The following DDB1 variants were observed in gnomAD, a reference collection of about 807,000 sequenced individuals.
DDB1 encodes the protein DNA damage-binding protein 1.
In DDB1, 18 loss-of-function variants were observed where a neutral mutation model predicts 133.1. The ratio of observed to expected loss-of-function variants is 0.14; its 90% CI spans 0.09 to 0.20. DDB1 has a LOEUF of 0.20. Ranked by LOEUF, DDB1 falls within the 10% of genes least tolerant of loss-of-function variation. DDB1 has a pLI of 1.00. For synonymous variants in DDB1, 580 were observed against 550.5 expected, an observed-to-expected ratio of 1.05 and a Z score of -0.75; for missense variants, 828 against 1,459.2, an observed-to-expected ratio of 0.57 and a Z score of 7.05.
At chr11:61,306,342 T>A in intron 21 of DDB1, among the ~76,000 whole-genome samples, 1 of 152,054 alleles carries the variant, frequency 6.6e-6, no homozygotes. Flanking sequence ...GGTAGCACAG[T>A]CTCCCAAGCT....
At chr11:61,327,476 T>TGC (rs1455493964) in intron 4 of DDB1, 1 of 155,666 alleles carries the variant, frequency 6.4e-6, no homozygotes, top group East Asian at 1.9e-4. Flanking sequence ...ACAGTGTGTG[T>TGC]GCCTGTGTGT....
intron 25 of DDB1, 102 bp from the exon 26 acceptor site, chr11:61,301,034 G>C: frequency 6.6e-7 from 1 of 1,506,892 alleles, no homozygotes; most frequent in Non-Finnish European, 9.0e-7. Flanking sequence ...ATCAGGATTA[G>C]AAAGGAAATG....
rs994144287 is a variant in DDB1, at chr11:61,322,769, G to C, written c.1005+242C>G. 15 of 552,784 alleles carry C rather than the reference G, an allele frequency of 2.7e-5. No homozygotes were observed. The South Asian group carries it at 3.8e-4, about 14-fold the overall frequency. 34.2% of individuals were successfully genotyped at this position (552,784 alleles called of 1,614,324 possible). ...TAAACTATGACCTATTTGAAGGTAG[G>C]AGCTGGGTCTTGTTCATCAATGTAT... On this transcript the variant is annotated intron_variant, in intron 8 of 26. Transcript: ENST00000301764.
At position 61,303,011 on chromosome 11, in the gene DDB1, C is replaced by T; in HGVS notation, c.2942+35G>A. 3 of 1,584,736 alleles carry T rather than the reference C, an allele frequency of 1.9e-6. No homozygotes were observed. In the South Asian group the frequency reaches 3.3e-5, roughly 18 times the overall value. On this transcript the variant is annotated intron_variant, in intron 23 of 26. Coordinates refer to ENST00000301764, the MANE Select transcript of DDB1 (RefSeq NM_001923.5). Reference sequence around the variant, plus strand: ...CACCAGAGACCAAGGAACTCCCAGCCCTCCCCACCACTCCCAGAGCTGGCC... The same window carrying T: ...CACCAGAGACCAAGGAACTCCCAGCTCTCCCCACCACTCCCAGAGCTGGCC...
intron 15 of DDB1, 49 bp downstream of exon 15, chr11:61,313,813 C>T (rs1856017765): frequency 1.2e-6 from 2 of 1,607,620 alleles, no homozygotes; most frequent in East Asian, 4.5e-5. Context: ...CTGTGTAATT[C>T]TAATACTCTA....
intron 4 of DDB1, chr11:61,327,446 GAAAA>G (rs1019857146): frequency 1.5e-5 from 2 of 133,136 alleles, no homozygotes; most frequent in South Asian, 2.3e-4. Flanking sequence ...CTCCATCTCA[GAAAA>G]AAAAAAAAAA....
At position 61,333,051 on chromosome 11, in the gene DDB1, A is replaced by C; in HGVS notation, c.-83T>G. On this transcript the variant is annotated 5_prime_UTR_variant, in exon 1 of 27. Transcript: ENST00000301764. ...AGCGAAAAGACAGGTGGCCCCCAAC[A>C]GCGCGCAGCGAACTCCACTGCCGCT... 2 of 1,309,230 alleles carry C rather than the reference A, an allele frequency of 1.5e-6. No individual in the cohort carries two copies. The highest frequency in any genetic ancestry group is 3.0e-5 in the East Asian group (1 of 33,784). The allele number at this position is 1,309,230 out of a possible 1,614,324, so 81.1% of individuals were successfully genotyped here. A position where few individuals can be genotyped will look rare whatever the true frequency, so the allele number is the denominator to read the frequency against.
At chr11:61,323,533 C>G (rs760892807) in intron 7 of DDB1, 1 of 236,994 alleles carries the variant, frequency 4.2e-6, no homozygotes, top group South Asian at 6.0e-5. Flanking sequence ...CCACCTCAGC[C>G]TCCCGAGTAG....
At chr11:61,300,761 A>G in intron 26 of DDB1, 48 bp downstream of exon 26, 1 of 1,609,048 alleles carries the variant, frequency 6.2e-7, no homozygotes, top group Non-Finnish European at 8.5e-7. Flanking sequence ...GCATGCCCCA[A>G]CCTGCAGTGG....
rs1590684541 is a variant in DDB1, at chr11:61,310,427, A to G, written c.2278-9T>C. 1 of 1,594,570 alleles carries G rather than the reference A, an allele frequency of 6.3e-7. No individual in the cohort carries two copies. Among genetic ancestry groups the G allele is most frequent in the Non-Finnish European group, 8.5e-7 (1 of 1,171,898 alleles). ...ACACTGCTGGACAGAGCCTGCAAAC[A>G]GAGAGAATGCACATCATCCTTCTCA... On this transcript the variant is annotated splice_polypyrimidine_tract_variant and intron_variant, in intron 18 of 26. Coordinates refer to ENST00000301764, the MANE Select transcript of DDB1 (RefSeq NM_001923.5).
intron 2 of DDB1, among the ~76,000 whole-genome samples, chr11:61,331,208 C>T (rs1406594124): frequency 6.6e-6 from 1 of 152,196 alleles, no homozygotes; most frequent in Non-Finnish European, 1.5e-5. Context: ...TCTCCTTTTA[C>T]TTCTAGAAAG....
Position 61,316,514 on chromosome 11 carries a change from G to A in DDB1, c.1279C>T (p.Leu427Phe), listed in dbSNP as rs28720299. 6.2e-7 allele frequency: 1 copy of A among 1,614,148 alleles called. No homozygotes were observed. Among genetic ancestry groups the A allele is most frequent in the African/African-American group, 1.3e-5 (1 of 75,032 alleles). The change falls in exon 11 of 27, where the codon CTC (leucine) becomes TTC (phenylalanine). Residue 427 changes from leucine to phenylalanine, a missense_variant. Leu to Phe is a conservative substitution (Grantham distance 22, BLOSUM62 0). Transcript: ENST00000301764. ...TACCTTGTCTGGCCCACAAAAGAGA[G>A]CACCAAAGTGTCATCAGTCTCACGA... is the stretch of plus-strand genomic sequence containing the variant. ...PNRETDDTLV[L>F]SFVGQTRVLM... is the part of the protein sequence containing the mutation.
At chr11:61,325,748 G>A (rs750273492) in intron 5 of DDB1, 40 bp from the exon 6 acceptor site, 49 of 1,528,246 alleles carry the variant, frequency 3.2e-5, no homozygotes, top group Non-Finnish European at 3.7e-5. Context: ...TCAGCACTCT[G>A]GGTCTGCCAA....
chr11:61,304,893 G>GA (rs906043286), intron 21 of DDB1, among the ~76,000 whole-genome samples: 5 of 147,786 alleles, frequency 3.4e-5, no homozygotes, highest in Non-Finnish European at 7.5e-5. Flanking sequence ...AAAAAAAAAG[G>GA]AAAAAAAAAG....
At chr11:61,325,568 G>T (rs186776943) in intron 6 of DDB1, 43 bp downstream of exon 6, 1 of 1,540,108 alleles carries the variant, frequency 6.5e-7, no homozygotes, top group African/African-American at 1.4e-5. Context: ...GTGAGGACAA[G>T]GAAAGAAAAG....
At position 61,310,413 on chromosome 11, in the gene DDB1, C is replaced by G; in HGVS notation, c.2283G>C (p.Leu761=). The change falls in exon 19 of 27, where the codon CTG becomes CTC. Residue 761 remains leucine, a synonymous_variant. Coordinates refer to ENST00000301764, the MANE Select transcript of DDB1 (RefSeq NM_001923.5). ...GCTTGCTGGAGCTTACACTGCTGGA[C>G]AGAGCCTGCAAACAGAGAGAATGCA... The part of the protein sequence containing the change: ...ALRPSASTQA[L]SSSVSSSKLF... 1 of 1,600,428 alleles carries G rather than the reference C, an allele frequency of 6.2e-7. No individual in the cohort carries two copies. The highest frequency in any genetic ancestry group is 8.5e-7 in the Non-Finnish European group (1 of 1,175,112).
chr11:61,312,047 T>A lies in DDB1; in HGVS notation c.2107A>T (p.Thr703Ser). 6.2e-7 allele frequency: 1 copy of A among 1,614,156 alleles called. No homozygotes were observed. Among genetic ancestry groups the A allele is most frequent in the Non-Finnish European group, 8.5e-7 (1 of 1,180,030 alleles). ...TGCAGCTTCTGGATCTCATCGATGGTGCCAATGGTGAGGGTGCTATTGTTG... is the reference window on the plus strand; with the variant it reads ...TGCAGCTTCTGGATCTCATCGATGGAGCCAATGGTGAGGGTGCTATTGTTG... ...LANNSTLTIG[T>S]IDEIQKLHIR... The change falls in exon 17 of 27, where the codon ACC becomes TCC. Residue 703 changes from threonine to serine, a missense_variant. Transcript: ENST00000301764.
chr11:61,330,689 AGTCTCGCTCT>A (rs1856352920), intron 2 of DDB1, among the ~76,000 whole-genome samples: 1 of 150,890 alleles, frequency 6.6e-6, no homozygotes, highest in African/African-American at 2.4e-5. Context: ...TTGGAGATGG[AGTCTCGCTCT>A]GTCACCGGGC....
At position 61,302,712 on chromosome 11, in the gene DDB1, C is replaced by T. The variant is rs774392804; in HGVS notation, c.2982G>A (p.Glu994=). Reference sequence around the variant, plus strand: ...ACTCGCCCAGGTGGAAAAGACCAACCTCCTGGAGGTGCTGCCGCTCCTCGT... The same window carrying T: ...ACTCGCCCAGGTGGAAAAGACCAACTTCCTGGAGGTGCTGCCGCTCCTCGT... ...TTDEERQHLQ[E]VGLFHLGEFV... is the part of the protein sequence containing the mutation. Residue 994 remains glutamate (E), a synonymous_variant, in exon 24 of 27, where the codon GAG becomes GAA. Coordinates refer to ENST00000301764, the MANE Select transcript of DDB1 (RefSeq NM_001923.5). 14 of 1,614,064 alleles carry T rather than the reference C, an allele frequency of 8.7e-6. No individual in the cohort carries two copies. In the African/African-American group the frequency reaches 1.9e-4, roughly 22 times the overall value.
Sources: allele counts gnomAD v4.1 joint callset (sites outside exome capture counted in the v4.1 genomes callset), GRCh38; gene constraint gnomAD v4.1.1; transcripts MANE v1.5; gene names NCBI Gene and HGNC (gene_info 2026-07-23, HGNC 2026-07-21).